MACF1: variants seen among roughly 807,000 people sequenced by gnomAD.
MACF1 encodes microtubule-actin cross-linking factor 1.
Under a neutral mutation model 854.8 loss-of-function variants are expected in MACF1, and 193 were observed. That is an observed-to-expected ratio of 0.23 (90% confidence interval 0.20 to 0.25). MACF1 has a LOEUF of 0.25. MACF1 is among the 10% of genes least tolerant of loss of function. The pLI is 1.00. For missense variants in MACF1, 7,722 were observed against 8,929.1 expected (o/e 0.86, Z 5.45); for synonymous variants, 3,185 against 3,226.7 (o/e 0.99, Z 0.44).
intron 2 of MACF1, among the ~76,000 whole-genome samples, chr1:39,179,130 C>A (rs1644070715): frequency 6.6e-6 from 1 of 152,238 alleles, no homozygotes; most frequent in South Asian, 2.1e-4. Flanking sequence ...TTAGCCAGGG[C>A]TGCCTGCCCT....
upstream of MACF1, among the ~76,000 whole-genome samples, chr1:39,203,378 A>T (rs981058864): frequency 1.2e-4 from 18 of 152,200 alleles, no homozygotes; most frequent in African/African-American, 2.9e-4. Flanking sequence ...AAATTTTAAA[A>T]TTTTTTTGTA....
At chr1:39,287,197 A>G (rs1557564641) in intron 14 of MACF1, 89 bp from the exon 15 acceptor site, 9 of 1,361,176 alleles carry the variant, frequency 6.6e-6, no homozygotes, top group East Asian at 4.9e-5. Context: ...TTTTTATCAT[A>G]TCTTTGTCAA....
At chr1:39,380,918 A>C (rs72661965) in intron 55 of MACF1, among the ~76,000 whole-genome samples, 24,277 of 152,130 alleles carry the variant, frequency 0.16, 2,422 homozygotes, top group Middle Eastern at 0.22. Flanking sequence ...TCTCCAAAAA[A>C]AACGTAACAA....
In MACF1 at chr1:39,334,955, A is replaced by G; in HGVS notation, c.8367A>G (p.Leu2789=). The G allele has an allele frequency of 1.9e-6, 3 of 1,614,178 alleles. No homozygotes were observed. The highest frequency in any genetic ancestry group is 1.1e-5 in the South Asian group (1 of 91,086). ...IEVCALQNEF[L]GKDMLIACNQ... ...TGTGTGCATTACAAAATGAATTTCTAGGAAAGGATATGTTAATTGCTTGTA... is the reference window on the plus strand; with the variant it reads ...TGTGTGCATTACAAAATGAATTTCTGGGAAAGGATATGTTAATTGCTTGTA... The change falls in exon 37 of 101, where the codon CTA becomes CTG. Residue 2789 remains leucine (L), a synonymous_variant. Transcript: ENST00000564288.
chr1:39,290,852 T>G (rs1192591188), intron 15 of MACF1, among the ~76,000 whole-genome samples: 1 of 151,902 alleles, frequency 6.6e-6, no homozygotes, highest in African/African-American at 2.4e-5. Flanking sequence ...TATTTTTTTT[T>G]TTAGTAGAAA....
chr1:39,359,358 G>C, intron 47 of MACF1, 94 bp downstream of exon 47: 3 of 1,404,506 alleles, frequency 2.1e-6, no homozygotes, highest in Non-Finnish European at 3.0e-6. Flanking sequence ...AAATATCTGT[G>C]GTGCCAGGCT....
At chr1:39,091,025 T>C (rs530440507) in intron 2 of MACF1, among the ~76,000 whole-genome samples, 2 of 152,052 alleles carry the variant, frequency 1.3e-5, no homozygotes, top group African/African-American at 2.4e-5. Context: ...AGGAGCAGAA[T>C]AGGTGTCCCT....
chr1:39,177,490 C>T (rs1006507659), intron 2 of MACF1, among the ~76,000 whole-genome samples: 3 of 152,112 alleles, frequency 2.0e-5, no homozygotes, highest in Admixed American at 2.0e-4. Flanking sequence ...CATCATCAGT[C>T]CCTGGCTGTC....
Position 39,405,372 on chromosome 1 carries a change from A to T in MACF1, c.15816+16714A>T, listed in dbSNP as rs189186410. ...GTAGATTTAAAATGAGCAAGATCCA[A>T]CCAGTCCTCTGTATCCTCTTCTACT... On this transcript the variant is annotated intron_variant, in intron 58 of 100. Transcript: ENST00000564288. Among the ~76,000 whole-genome samples, 77 of 151,496 alleles carry T rather than the reference A, an allele frequency of 5.1e-4. No homozygotes were observed. The East Asian group carries it at 0.012, about 24-fold the overall frequency.
intron 2 of MACF1, among the ~76,000 whole-genome samples, chr1:39,181,547 T>G (rs1391781335): frequency 1.3e-5 from 2 of 152,116 alleles, no homozygotes; most frequent in Non-Finnish European, 2.9e-5. Context: ...TTCCAGAAAT[T>G]GGCAAGCTGC....
chr1:39,191,002 CA>C (rs1389192377), intron 2 of MACF1, among the ~76,000 whole-genome samples: 1 of 151,816 alleles, frequency 6.6e-6, no homozygotes, highest in Admixed American at 6.6e-5. Context: ...CAAAAACAAA[CA>C]AACAAAAAAA....
intron 95 of MACF1, among the ~76,000 whole-genome samples, chr1:39,466,639 T>G (rs1032626690): frequency 2.0e-5 from 3 of 152,138 alleles, no homozygotes; most frequent in Admixed American, 6.5e-5. Context: ...CCTCCATATC[T>G]CTCAGAACCT....
At chr1:39,247,947 G>T (rs369344896) in intron 2 of MACF1, among the ~76,000 whole-genome samples, 1 of 152,142 alleles carries the variant, frequency 6.6e-6, no homozygotes, top group Non-Finnish European at 1.5e-5. Context: ...ACTTGAACTC[G>T]GGAGGCAGAG....
chr1:39,359,682 G>A (rs1557608539), intron 47 of MACF1, among the ~76,000 whole-genome samples: 1 of 151,674 alleles, frequency 6.6e-6, no homozygotes, highest in South Asian at 2.1e-4. Context: ...ACAATATATC[G>A]TATACAGGCC....
intron 2 of MACF1, among the ~76,000 whole-genome samples, chr1:39,090,247 C>G (rs924608109): frequency 1.3e-5 from 2 of 152,218 alleles, no homozygotes; most frequent in African/African-American, 4.8e-5. Flanking sequence ...CTCCTCCTTC[C>G]CAGCTTCTCT....
Position 39,444,777 on chromosome 1 carries a change from G to A in MACF1, c.19547G>A (p.Ser6516Asn), listed in dbSNP as rs779013648. The A allele has an allele frequency of 6.2e-7, 1 of 1,613,944 alleles. No homozygotes were observed. Among genetic ancestry groups the A allele is most frequent in the Non-Finnish European group, 8.5e-7 (1 of 1,179,816 alleles). Residue 6516 changes from serine (S) to asparagine (N), a missense_variant, in exon 80 of 101, where the codon AGT becomes AAT. Physicochemically the swap from Ser to Asn is conservative, Grantham distance 46. This residue lies in a region of MACF1 where 729 missense variants were observed against 900.5 expected (regional missense o/e 0.81). Coordinates refer to ENST00000564288, the MANE Select transcript of MACF1 (RefSeq NM_001394062.1). Reference protein sequence around the residue: ...DSGSGSKTEQSVALLEQKWHV... With the variant: ...DSGSGSKTEQNVALLEQKWHV... ...GGGTCTGGCTCCAAGACAGAACAGAGTGTAGCACTTTTGGAGCAGAAGTGG... is the reference window on the plus strand; with the variant it reads ...GGGTCTGGCTCCAAGACAGAACAGAATGTAGCACTTTTGGAGCAGAAGTGG...
In MACF1 at chr1:39,190,270, C is replaced by T. The variant is rs1644234139; in HGVS notation, c.221-40912C>T. On this transcript the variant is annotated intron_variant, in intron 2 of 93. Coordinates refer to the MACF1 transcript ENST00000361689. ...CTTTTCTTTTCTCCCTCCTTCGCTG[C>T]CTCTCTCTCTTCTTTCTTTCTTTTT... 2.6e-5 allele frequency among the ~76,000 whole-genome samples: 4 copies of T among 151,672 alleles called. No individual in the cohort carries two copies. In the South Asian group the frequency reaches 8.3e-4, roughly 32 times the overall value.
At position 39,428,551 on chromosome 1, in the gene MACF1, T is replaced by C. The variant is rs1643797469; in HGVS notation, c.16803+264T>C. Among the ~76,000 whole-genome samples the C allele has an allele frequency of 2.6e-5, 4 of 152,316 alleles. No homozygotes were observed. The South Asian group carries it at 8.3e-4, about 32-fold the overall frequency. ...CAGGGGCCATCTGAACTCCAACTCA[T>C]GATTTACATTATTAGGTGATGGGTC... On this transcript the variant is annotated intron_variant, in intron 63 of 100. Transcript: ENST00000564288.
intron 58 of MACF1, among the ~76,000 whole-genome samples, chr1:39,400,262 T>G (rs1642424603): frequency 6.6e-6 from 1 of 152,228 alleles, no homozygotes; most frequent in South Asian, 2.1e-4. Context: ...ACTAGCTGAG[T>G]GACCTTCAGG....
Sources: allele counts gnomAD v4.1 joint callset (sites outside exome capture counted in the v4.1 genomes callset), GRCh38; gene constraint gnomAD v4.1.1; regional missense constraint gnomAD v4.1.1; transcripts MANE v1.5; gene names NCBI Gene and HGNC (gene_info 2026-07-23, HGNC 2026-07-21).